The following STXBP5L variants were observed in gnomAD, a reference collection of about 807,000 sequenced individuals.
STXBP5L encodes syntaxin binding protein 5L, also known as syntaxin-binding protein 5-like.
Under a neutral mutation model 144.5 loss-of-function variants are expected in STXBP5L, and 65 were observed. That is an observed-to-expected ratio of 0.45 (90% confidence interval 0.37 to 0.55). The LOEUF (loss-of-function observed/expected upper bound fraction) is 0.55, where lower values mean the gene tolerates loss of function less well. Among genes scored for constraint, STXBP5L ranks in the 20% least tolerant of loss-of-function variants. STXBP5L has a pLI of 0.00. For synonymous variants in STXBP5L, 505 were observed against 469.6 expected, an observed-to-expected ratio of 1.08 and a Z score of -0.97; for missense variants, 1,298 against 1,405.5, an observed-to-expected ratio of 0.92 and a Z score of 1.22.
intron 3 of STXBP5L, among the ~76,000 whole-genome samples, chr3:120,987,836 C>G (rs993050847): frequency 6.6e-6 from 1 of 150,962 alleles, no homozygotes; most frequent in Non-Finnish European, 1.5e-5. Context: ...GGAAGTATTC[C>G]TTTTATTTGC....
At chr3:121,148,270 TG>T (rs2107969383) in intron 7 of STXBP5L, among the ~76,000 whole-genome samples, 1 of 152,156 alleles carries the variant, frequency 6.6e-6, no homozygotes, top group East Asian at 1.9e-4. Context: ...TGATCAAGAA[TG>T]AAAGAGAAGG....
intron 22 of STXBP5L, among the ~76,000 whole-genome samples, chr3:121,395,951 G>C (rs2046719422): frequency 6.6e-6 from 1 of 152,198 alleles, no homozygotes; most frequent in African/African-American, 2.4e-5. Flanking sequence ...TCGGCATCTG[G>C]CTTATGAAAA....
chr3:121,001,275 T>C (rs1330670491), intron 3 of STXBP5L, among the ~76,000 whole-genome samples: 1 of 152,186 alleles, frequency 6.6e-6, no homozygotes, highest in Non-Finnish European at 1.5e-5. Context: ...GCTATAGCAG[T>C]AGCTACTTGG....
At position 121,424,721 on chromosome 3, in the gene STXBP5L, G is replaced by A. The variant is rs1320984361; in HGVS notation, c.*5624G>A. On this transcript the variant is annotated 3_prime_UTR_variant, in exon 27 of 27. Transcript: ENST00000471454. ...GACTATACTTAACAAAATTCTTGTA[G>A]TCTGTAGAGATATCAATAAAATTGT... 1 of 152,086 alleles carries A rather than the reference G, an allele frequency of 6.6e-6. No individual in the cohort carries two copies. The highest frequency in any genetic ancestry group is 6.5e-5 in the Admixed American group (1 of 15,270). 9.4% of individuals were successfully genotyped at this position (152,086 alleles called of 1,614,324 possible). A position where few individuals can be genotyped will look rare whatever the true frequency, so the allele number is the denominator to read the frequency against.
intron 17 of STXBP5L, among the ~76,000 whole-genome samples, chr3:121,257,915 C>T (rs1028979781): frequency 2.6e-5 from 4 of 151,852 alleles, no homozygotes; most frequent in Non-Finnish European, 5.9e-5. Flanking sequence ...ACAGTAAGAC[C>T]CTGTCTCCAA....
intron 2 of STXBP5L, among the ~76,000 whole-genome samples, chr3:120,952,499 T>A (rs1576474049): frequency 6.6e-6 from 1 of 152,068 alleles, no homozygotes; most frequent in African/African-American, 2.4e-5. Context: ...GGAATACAAT[T>A]GACTTTTTAT....
Position 121,196,516 on chromosome 3 carries a change from G to T in STXBP5L, c.878-9407G>T, listed in dbSNP as rs540320597. On this transcript the variant is annotated intron_variant, in intron 9 of 26. Transcript: ENST00000471454. ...CAAAGAACCAACTTTTAGATTATTT[G>T]CTTTTGTATATATTTTTTCTTTAAT... is the stretch of plus-strand genomic sequence containing the variant. Among the ~76,000 whole-genome samples the T allele has an allele frequency of 2.6e-5, 4 of 151,890 alleles. No homozygotes were observed. In the East Asian group the frequency reaches 7.8e-4, roughly 29 times the overall value.
chr3:121,094,286 G>A (rs1276561134), intron 5 of STXBP5L, among the ~76,000 whole-genome samples: 2 of 152,140 alleles, frequency 1.3e-5, no homozygotes, highest in Admixed American at 6.5e-5. Context: ...TGTCTATTAG[G>A]TCCGCTTGGT....
intron 9 of STXBP5L, among the ~76,000 whole-genome samples, chr3:121,184,118 A>G (rs2047272210): frequency 6.6e-6 from 1 of 152,094 alleles, no homozygotes; most frequent in Admixed American, 6.6e-5. Context: ...AAAACAGTGC[A>G]AAAAGGCTGA....
intron 2 of STXBP5L, among the ~76,000 whole-genome samples, chr3:120,932,817 G>A (rs536570114): frequency 5.9e-5 from 9 of 151,898 alleles, no homozygotes; most frequent in African/African-American, 1.9e-4. Flanking sequence ...ACAATGATAG[G>A]CTGGATTAAG....
chr3:121,271,723 C>A (rs1400000169), intron 18 of STXBP5L, among the ~76,000 whole-genome samples: 2 of 152,070 alleles, frequency 1.3e-5, no homozygotes, highest in Non-Finnish European at 2.9e-5. Flanking sequence ...CAGTCAAATC[C>A]TTTTACTGCA....
chr3:121,165,849 C>A (rs2046478910), intron 9 of STXBP5L, among the ~76,000 whole-genome samples: 1 of 152,042 alleles, frequency 6.6e-6, no homozygotes, highest in African/African-American at 2.4e-5. Context: ...TCTCCGGGCA[C>A]CCCTTTATAC....
intron 4 of STXBP5L, among the ~76,000 whole-genome samples, chr3:121,044,004 T>G (rs1947336742): frequency 6.6e-6 from 1 of 152,112 alleles, no homozygotes; most frequent in Non-Finnish European, 1.5e-5. Context: ...TCCTAATAAA[T>G]TTCTCGTTTG....
intron 7 of STXBP5L, among the ~76,000 whole-genome samples, chr3:121,145,738 G>A (rs2045690471): frequency 6.6e-6 from 1 of 151,968 alleles, no homozygotes; most frequent in Non-Finnish European, 1.5e-5. Context: ...AAATTTAATT[G>A]CCAATGTCTT....
intron 5 of STXBP5L, among the ~76,000 whole-genome samples, chr3:121,060,272 G>A (rs577182412): frequency 8.5e-5 from 13 of 152,068 alleles, no homozygotes; most frequent in Non-Finnish European, 1.8e-4. Context: ...GATGGATTAT[G>A]TTTATTGATT....
chr3:121,205,858 A>T, intron 9 of STXBP5L, 65 bp from the exon 10 acceptor site: 2 of 858,794 alleles, frequency 2.3e-6, no homozygotes, highest in Non-Finnish European at 3.4e-6. Context: ...CCTTAGTCAA[A>T]TTTTTTAATT....
intron 9 of STXBP5L, among the ~76,000 whole-genome samples, chr3:121,160,548 ATAT>A (rs374850018): frequency 8.4e-4 from 128 of 152,304 alleles, no homozygotes; most frequent in African/African-American, 2.9e-3. Context: ...TTATATGCAA[ATAT>A]TATGCCATTT....
At chr3:121,000,000 C>T (rs1407892187) in intron 3 of STXBP5L, among the ~76,000 whole-genome samples, 2 of 152,130 alleles carry the variant, frequency 1.3e-5, no homozygotes, top group African/African-American at 4.8e-5. Flanking sequence ...ATGGGGCTCC[C>T]TTTTTAGGTG....
chr3:121,017,792 G>GT (rs146012718), intron 3 of STXBP5L, among the ~76,000 whole-genome samples: 6,990 of 152,092 alleles, frequency 0.046, 429 homozygotes, highest in Admixed American at 0.17. Flanking sequence ...ATAAATGGGG[G>GT]GGTGGTGAAG....
Sources: allele counts gnomAD v4.1 joint callset (sites outside exome capture counted in the v4.1 genomes callset), GRCh38; gene constraint gnomAD v4.1.1; transcripts MANE v1.5; gene names NCBI Gene and HGNC (gene_info 2026-07-23, HGNC 2026-07-21).